The following DPP3 variants were observed in gnomAD, a reference collection of about 807,000 sequenced individuals.
DPP3 encodes the protein DPP III.
DPP3 carries 64 observed loss-of-function variants against 89.8 expected under a neutral mutation model. The observed-to-expected ratio is 0.71, with a 90% confidence interval of 0.58 to 0.88. DPP3 has a LOEUF of 0.88. Among genes scored for constraint, DPP3 ranks in the 40% least tolerant of loss-of-function variants. DPP3 has a pLI of 0.00. For missense variants in DPP3, 835 were observed against 972.5 expected (o/e 0.86, Z 1.88); for synonymous variants, 377 against 404.3 (o/e 0.93, Z 0.81).
intron 3 of DPP3, 22 bp from the exon 4 acceptor site, chr11:66,486,518 A>C (rs1451194168): frequency 1.3e-6 from 2 of 1,486,542 alleles, no homozygotes; most frequent in Non-Finnish European, 1.8e-6. Context: ...TGACTGGGCC[A>C]TTGGCCTCCC....
In DPP3 at chr11:66,491,881, T is replaced by C. The variant is rs1056964588; in HGVS notation, c.988+125T>C. 6.5e-6 allele frequency: 7 copies of C among 1,077,916 alleles called. No individual in the cohort carries two copies. In the Admixed American group the frequency reaches 1.1e-4, roughly 17 times the overall value. The allele number at this position is 1,077,916 out of a possible 1,614,324, so 66.8% of individuals were successfully genotyped here. A position where few individuals can be genotyped will look rare whatever the true frequency, so the allele number is the denominator to read the frequency against. ...ATAACCATAACAGTAAGAACAGCCA[T>C]GGTAAATAAACACCGTTTACAATGT... On this transcript the variant is annotated intron_variant, in intron 9 of 17. Coordinates refer to ENST00000531863, the MANE Select transcript of DPP3 (RefSeq NM_130443.4).
chr11:66,499,918 T>C (rs1167700886), intron 16 of DPP3, among the ~76,000 whole-genome samples: 1 of 152,100 alleles, frequency 6.6e-6, no homozygotes, highest in Non-Finnish European at 1.5e-5. Flanking sequence ...TAGGTGTGTA[T>C]GTATGGTGAA....
intron 11 of DPP3, 23 bp from the exon 12 acceptor site, chr11:66,493,518 C>T (rs202107521): frequency 1.8e-5 from 29 of 1,610,540 alleles, no homozygotes; most frequent in East Asian, 4.5e-5. Flanking sequence ...GTGGACAGCG[C>T]GGGTCTCTGC....
At chr11:66,484,554 C>T (rs1855170551) in intron 2 of DPP3, among the ~76,000 whole-genome samples, 1 of 152,034 alleles carries the variant, frequency 6.6e-6, no homozygotes, top group Non-Finnish European at 1.5e-5. Flanking sequence ...GGGTAGCTCT[C>T]TTATGCCAGC....
In DPP3 at chr11:66,495,769, C is replaced by T. The variant is rs370967216; in HGVS notation, c.1698+19C>T. The T allele has an allele frequency of 3.1e-6, 5 of 1,589,462 alleles. No homozygotes were observed. Among genetic ancestry groups the T allele is most frequent in the African/African-American group, 1.3e-5 (1 of 74,396 alleles). On this transcript the variant is annotated intron_variant, in intron 15 of 17. Transcript: ENST00000531863. ...GCGACAGGTAGGGCCTAGGTGGAGC[C>T]CCCTGGAGGCGGAAGGGAGCCTGCA... is the stretch of plus-strand genomic sequence containing the variant.
chr11:66,489,573 G>A (rs919323072), intron 6 of DPP3, among the ~76,000 whole-genome samples: 2 of 152,226 alleles, frequency 1.3e-5, no homozygotes, highest in Admixed American at 6.5e-5. Flanking sequence ...CCCTGGAGCC[G>A]GACTGCCCGA....
Position 66,495,641 on chromosome 11 carries a change from T to C in DPP3, c.1589T>C (p.Phe530Ser), listed in dbSNP as rs760656237. ...LHPQVLEIFG[F>S]EGADAEDVIY... ...TGCCCCTCTCACAGGATCTTTGGCT[T>C]TGAGGGGGCTGATGCGGAGGACGTG... The change falls in exon 15 of 18, where the codon TTT becomes TCT. Residue 530 changes from phenylalanine (F) to serine (S), a missense_variant. Coordinates refer to ENST00000531863, the MANE Select transcript of DPP3 (RefSeq NM_130443.4). 3.1e-6 allele frequency: 5 copies of C among 1,613,956 alleles called. No individual in the cohort carries two copies. The highest frequency in any genetic ancestry group is 4.2e-6 in the Non-Finnish European group (5 of 1,179,994).
rs1006764379 is a variant in DPP3, at chr11:66,482,413, C to T, written c.213C>T (p.Asp71=). ...TCAGCCGCCTCTTCCGCGCCCAGGA[C>T]CCCGACCAGCTGCGCCAACATGCCC... ...ALLSRLFRAQ[D]PDQLRQHALA... The change falls in exon 2 of 18, where the codon GAC becomes GAT. Residue 71 remains aspartate (D), a synonymous_variant. Transcript: ENST00000531863. 1.9e-6 allele frequency: 3 copies of T among 1,609,976 alleles called. No individual in the cohort carries two copies. Among genetic ancestry groups the T allele is most frequent in the East Asian group, 2.2e-5 (1 of 44,878 alleles).
intron 12 of DPP3, among the ~76,000 whole-genome samples, chr11:66,494,666 T>G (rs1488818917): frequency 1.3e-5 from 2 of 152,212 alleles, no homozygotes; most frequent in East Asian, 3.8e-4. Context: ...GACTCCAGTG[T>G]GGGGCTCTTA....
Position 66,491,711 on chromosome 11 carries a change from A to T in DPP3, c.943A>T (p.Ile315Phe). ...TCTCTCCCCCAGTTACATCGGGTTC[A>T]TCGAGAGCTACCGCGACCCCTTTGG... is the stretch of plus-strand genomic sequence containing the variant. The part of the protein sequence containing the change: ...GPIVESYIGF[I>F]ESYRDPFGSR... The change falls in exon 9 of 18, where the codon ATC becomes TTC. Residue 315 changes from isoleucine to phenylalanine, a missense_variant. Ile to Phe is a conservative substitution (Grantham distance 21, BLOSUM62 0). Coordinates refer to ENST00000531863, the MANE Select transcript of DPP3 (RefSeq NM_130443.4). 1 of 1,605,136 alleles carries T rather than the reference A, an allele frequency of 6.2e-7. No homozygotes were observed. Among genetic ancestry groups the T allele is most frequent in the Non-Finnish European group, 8.5e-7 (1 of 1,178,764 alleles).
intron 17 of DPP3, among the ~76,000 whole-genome samples, chr11:66,505,275 C>G (rs1407650332): frequency 6.6e-6 from 1 of 152,200 alleles, no homozygotes; most frequent in African/African-American, 2.4e-5. Context: ...TTGTATCTTT[C>G]GTATTCAGAC....
chr11:66,496,193 C>T (rs1855531121), intron 15 of DPP3, among the ~76,000 whole-genome samples: 1 of 152,320 alleles, frequency 6.6e-6, no homozygotes. Flanking sequence ...TTCAGTGCCA[C>T]GGCTCAGTTA....
At chr11:66,491,869 T>A in intron 9 of DPP3, 113 bp downstream of exon 9, 4 of 1,167,880 alleles carry the variant, frequency 3.4e-6, no homozygotes, top group Non-Finnish European at 5.1e-6. Flanking sequence ...ACCATAACAG[T>A]AAGAACAGCC....
In DPP3 at chr11:66,482,176, A is replaced by C; in HGVS notation, c.-8-17A>C. The C allele has an allele frequency of 6.2e-7, 1 of 1,612,224 alleles. No homozygotes were observed. The highest frequency in any genetic ancestry group is 1.3e-5 in the African/African-American group (1 of 75,024). ...TATGGGGTAAACAACAGCTGTGATG[A>C]CAGTGATGGTTCTCAGCAGGGCCCA... On this transcript the variant is annotated splice_polypyrimidine_tract_variant and intron_variant, in intron 1 of 17. Transcript: ENST00000531863.
rs2134733446 is a variant in DPP3 at position 66,493,182 on chromosome 11, G to A, written c.1296+3G>A. On this transcript the variant is annotated splice_donor_region_variant and intron_variant, in intron 11 of 17. Coordinates refer to ENST00000531863, the MANE Select transcript of DPP3 (RefSeq NM_130443.4). ...CCTTTCTGGAGGAGGATGACAAGGT[G>A]GGCGCCAGCAGTCGGAGGGTCGGGG... 6.2e-7 allele frequency: 1 copy of A among 1,613,096 alleles called. No individual in the cohort carries two copies. Among genetic ancestry groups the A allele is most frequent in the Non-Finnish European group, 8.5e-7 (1 of 1,179,698 alleles).
chr11:66,497,203 G>A, intron 15 of DPP3, 95 bp from the exon 16 acceptor site: 1 of 1,482,794 alleles, frequency 6.7e-7, no homozygotes, highest in Non-Finnish European at 9.0e-7. Flanking sequence ...TGGGACCAAG[G>A]ACCAAGCCTG....
rs144272479 is a variant in DPP3 at position 66,495,458 on chromosome 11, C to T, written c.1546C>T (p.Leu516Phe). The stretch of plus-strand genomic sequence containing the variant: ...AGAGTGCCGGGCTGAGAGCGTGGGT[C>T]TCTACCTCTGTCTCCACCCGCAAGT... Reference protein sequence around the residue: ...YEECRAESVGLYLCLHPQVLE... With the variant: ...YEECRAESVGFYLCLHPQVLE... Residue 516 changes from leucine to phenylalanine, a missense_variant, in exon 14 of 18, where the codon CTC becomes TTC. By Grantham distance (22) the Leu-to-Phe change is conservative (BLOSUM62 0). Coordinates refer to ENST00000531863, the MANE Select transcript of DPP3 (RefSeq NM_130443.4). 135 of 1,612,142 alleles carry T rather than the reference C, an allele frequency of 8.4e-5. No homozygotes were observed. Among genetic ancestry groups the T allele is most frequent in the South Asian group, 2.5e-4 (23 of 90,870 alleles).
At chr11:66,494,732 C>T (rs1306851966) in intron 12 of DPP3, among the ~76,000 whole-genome samples, 1 of 152,160 alleles carries the variant, frequency 6.6e-6, no homozygotes, top group Non-Finnish European at 1.5e-5. Flanking sequence ...GCACTGTCCT[C>T]GGAAGATGGT....
chr11:66,495,600 C>T, intron 14 of DPP3, 30 bp from the exon 15 acceptor site: 1 of 1,614,018 alleles, frequency 6.2e-7, no homozygotes, highest in Non-Finnish European at 8.5e-7. Context: ...AGCCTCTGAC[C>T]ATCCTGCCAC....
Sources: gnomAD v4.1 joint callset for allele counts (sites outside exome capture counted in the v4.1 genomes callset) on GRCh38, gnomAD v4.1.1 for gene constraint, MANE v1.5 for transcripts, NCBI Gene and HGNC (gene_info 2026-07-23, HGNC 2026-07-21) for gene names.